HNF1A: variants seen among roughly 807,000 people sequenced by gnomAD.
HNF1A encodes HNF1 homeobox A, also known as hepatocyte nuclear factor 1-alpha.
In HNF1A, 21 loss-of-function variants were observed where a neutral mutation model predicts 62.2. The ratio of observed to expected loss-of-function variants is 0.34; its 90% confidence interval spans 0.24 to 0.49. The LOEUF (loss-of-function observed/expected upper bound fraction) is 0.49. HNF1A is among the 20% of genes least tolerant of loss of function. HNF1A has a pLI of 0.99. For synonymous variants in HNF1A, 374 were observed against 366.8 expected, an observed-to-expected ratio of 1.02 and a Z score of -0.22; for missense variants, 687 against 832.3, an observed-to-expected ratio of 0.83 and a Z score of 2.15.
chr12:120,982,657 C>T (rs1052537312), intron 1 of HNF1A, among the ~76,000 whole-genome samples: 1 of 152,184 alleles, frequency 6.6e-6, no homozygotes, highest in African/African-American at 2.4e-5. Flanking sequence ...CATGTAGTAA[C>T]TGCAATATAC....
At chr12:120,983,184 G>A (rs964198862) in intron 1 of HNF1A, among the ~76,000 whole-genome samples, 1 of 152,226 alleles carries the variant, frequency 6.6e-6, no homozygotes, top group Non-Finnish European at 1.5e-5. Context: ...GAGAGAGGAG[G>A]AAGATGTGGG....
At chr12:120,994,436 G>T in intron 4 of HNF1A, 31 bp downstream of exon 4, 1 of 1,570,494 alleles carries the variant, frequency 6.4e-7, no homozygotes. Context: ...AGGGACACGT[G>T]GGAAGGTGGG....
Position 120,996,944 on chromosome 12 carries a change from G to T in HNF1A, c.1309+202G>T. 5.3e-6 allele frequency: 8 copies of T among 1,497,062 alleles called. No homozygotes were observed. The highest frequency in any genetic ancestry group is 7.3e-6 in the Non-Finnish European group (8 of 1,100,278). 92.7% of individuals were successfully genotyped at this position (1,497,062 alleles called of 1,614,324 possible). On this transcript the variant is annotated intron_variant, in intron 6 of 9. Transcript: ENST00000257555. This position sits in a 1 kb window ranked among gnomAD's most constrained non-coding sequence, Gnocchi z 4.5. The stretch of plus-strand genomic sequence containing the variant: ...GACCAAAATCTCAGCAACTCAAGCA[G>T]GGAGGCAGGCACTAAGCATAATACA...
At chr12:120,986,447 C>G (rs998667808) in intron 1 of HNF1A, among the ~76,000 whole-genome samples, 1 of 152,234 alleles carries the variant, frequency 6.6e-6, no homozygotes, top group African/African-American at 2.4e-5. Flanking sequence ...TTAAAAGCCA[C>G]AAATTCTAGA....
In HNF1A at chr12:120,983,410, G is replaced by T. The variant is rs139209426; in HGVS notation, c.326+4316G>T. Among the ~76,000 whole-genome samples, 19 of 152,334 alleles carry T rather than the reference G, an allele frequency of 1.2e-4. 1 individual carries two copies. The East Asian group carries it at 3.7e-3, about 29-fold the overall frequency. On this transcript the variant is annotated intron_variant, in intron 1 of 9. Coordinates refer to ENST00000257555, the MANE Select transcript of HNF1A (RefSeq NM_000545.8). ...ATTTACCCCACGTTACAGGGCAGAT[G>T]TGGGTCATGCAAGAGCACGCGTGGC...
rs1277368019 is a variant in HNF1A, at chr12:120,997,556, C to A, written c.1392C>A (p.Phe464Leu). 1 of 1,613,568 alleles carries A rather than the reference C, an allele frequency of 6.2e-7. No individual in the cohort carries two copies. Among genetic ancestry groups the A allele is most frequent in the Non-Finnish European group, 8.5e-7 (1 of 1,180,014 alleles). The stretch of plus-strand genomic sequence containing the variant: ...TGACCACCCTGCAGCCCGTCCAGTT[C>A]TCCCAGCCGCTGCACCCCTCCTACC... ...SSLTTLQPVQ[F>L]SQPLHPSYQQ... Residue 464 changes from phenylalanine to leucine, a missense_variant, in exon 7 of 10, where the codon TTC becomes TTA. Around this residue, in one of 5 missense-constraint regions of HNF1A, gnomAD observed 408 missense variants for 455.3 expected, o/e 0.90. Transcript: ENST00000257555.
intron 1 of HNF1A, among the ~76,000 whole-genome samples, chr12:120,985,200 C>T (rs1876449290): frequency 6.6e-6 from 1 of 151,632 alleles, no homozygotes; most frequent in Admixed American, 6.6e-5. Flanking sequence ...CCCACCTTAG[C>T]CTCCTGAGGA....
intron 2 of HNF1A, among the ~76,000 whole-genome samples, chr12:120,993,138 G>A (rs117537071): frequency 3.0e-4 from 45 of 152,308 alleles, no homozygotes; most frequent in African/African-American, 8.4e-4. Flanking sequence ...GCTCTACTGC[G>A]TGACTCTGGA....
chr12:120,979,149 A>G (rs1876122282), intron 1 of HNF1A, 55 bp downstream of exon 1: 5 of 1,486,384 alleles, frequency 3.4e-6, no homozygotes, highest in East Asian at 2.4e-5. Context: ...GGCCCCCCTC[A>G]GCTCCTAACG....
At chr12:120,992,960 C>G (rs1454055891) in intron 2 of HNF1A, among the ~76,000 whole-genome samples, 1 of 152,164 alleles carries the variant, frequency 6.6e-6, no homozygotes, top group Non-Finnish European at 1.5e-5. Flanking sequence ...CCTTTGGTGG[C>G]CTGCTCAGGG....
chr12:120,997,266 C>T (rs1877157036), intron 6 of HNF1A: 1 of 1,423,988 alleles, frequency 7.0e-7, no homozygotes, highest in Non-Finnish European at 9.2e-7. Flanking sequence ...CTAGCCTAGA[C>T]AAAGAGCTAA....
intron 9 of HNF1A, 41 bp from the exon 10 acceptor site, chr12:121,001,024 G>T (rs745674674): frequency 1.9e-6 from 3 of 1,610,504 alleles, no homozygotes; most frequent in East Asian, 2.2e-5. Flanking sequence ...GGTGGGTGTG[G>T]GTGCCTGGTG....
At chr12:120,980,357 G>A (rs1209710186) in intron 1 of HNF1A, among the ~76,000 whole-genome samples, 1 of 152,088 alleles carries the variant, frequency 6.6e-6, no homozygotes, top group Non-Finnish European at 1.5e-5. Context: ...CCAAGGTCCT[G>A]ATCCCAGCTG....
intron 1 of HNF1A, among the ~76,000 whole-genome samples, chr12:120,985,251 AT>A (rs1289742032): frequency 5.2e-4 from 72 of 137,920 alleles, no homozygotes; most frequent in Non-Finnish European, 4.6e-4. Context: ...TGGCTAATTT[AT>A]TTTTTTTTTT....
chr12:120,990,421 G>T (rs938256686), intron 2 of HNF1A, among the ~76,000 whole-genome samples: 1 of 152,088 alleles, frequency 6.6e-6, no homozygotes, highest in African/African-American at 2.4e-5. Flanking sequence ...GAGCCACCGC[G>T]CCTGGCCTTA....
rs1337274331 is a variant in HNF1A, at chr12:120,999,605, C to A, written c.1746C>A (p.His582Gln). 1 of 1,611,486 alleles carries A rather than the reference C, an allele frequency of 6.2e-7. No individual in the cohort carries two copies. The highest frequency in any genetic ancestry group is 8.5e-7 in the Non-Finnish European group (1 of 1,179,536). Residue 582 changes from histidine (H) to glutamine (Q), a missense_variant, in exon 9 of 10, where the codon CAC becomes CAA. This residue lies in a region of HNF1A where 408 missense variants were observed against 455.3 expected (regional missense o/e 0.90). Transcript: ENST00000257555. ...GCATCCAGCACCTGCAGCCGGCCCA[C>A]CGGCTCAGCGCCAGCCCCACAGGTG... ...PASIQHLQPAHRLSASPTVSS... is the reference protein window; with the variant it reads ...PASIQHLQPAQRLSASPTVSS...
chr12:120,997,788 C>G (rs1877192541), intron 7 of HNF1A, 123 bp downstream of exon 7: 1 of 1,050,178 alleles, frequency 9.5e-7, no homozygotes, highest in Non-Finnish European at 1.4e-6. Context: ...AAGTGTGTTT[C>G]CGTGATTGAG....
At chr12:120,981,504 G>T (rs971582024) in intron 1 of HNF1A, among the ~76,000 whole-genome samples, 19 of 152,120 alleles carry the variant, frequency 1.2e-4, no homozygotes, top group African/African-American at 4.6e-4. Flanking sequence ...CCAAATTCCT[G>T]GATCTCTTCC....
chr12:120,983,483 C>T (rs374524822), intron 1 of HNF1A, among the ~76,000 whole-genome samples: 92 of 152,090 alleles, frequency 6.0e-4, no homozygotes, highest in African/African-American at 2.1e-3. Context: ...GACTCTCAAA[C>T]CCATTAGAGT....
Sources: allele counts gnomAD v4.1 joint callset (sites outside exome capture counted in the v4.1 genomes callset), GRCh38; gene constraint gnomAD v4.1.1; regional missense constraint gnomAD v4.1.1; non-coding constraint Gnocchi (gnomAD v3.1); transcripts MANE v1.5; gene names NCBI Gene and HGNC (gene_info 2026-07-23, HGNC 2026-07-21).